The following VSTM2L variants were observed in gnomAD, a reference collection of about 807,000 sequenced individuals.
The protein encoded by VSTM2L is V-set and transmembrane domain containing 2 like, also known as V-set and transmembrane domain-containing protein 2-like protein.
In VSTM2L, 9 loss-of-function variants were observed where a neutral mutation model predicts 19.9. The observed-to-expected ratio is 0.45, with a 90% CI of 0.27 to 0.79. The LOEUF is 0.79. VSTM2L is among the 30% of genes least tolerant of loss of function. The pLI, the probability that VSTM2L is intolerant of heterozygous loss-of-function variation, is 0.15. For synonymous variants in VSTM2L, 127 were observed against 133.8 expected (o/e 0.95, Z 0.35); for missense variants, 286 against 295.5 (o/e 0.97, Z 0.24).
rs943734531 is a variant in VSTM2L at position 37,945,139 on chromosome 20, G to A, written c.*886G>A. On this transcript the variant is annotated 3_prime_UTR_variant, in exon 4 of 4. Coordinates refer to ENST00000373461, the MANE Select transcript of VSTM2L (RefSeq NM_080607.3). Reference sequence around the variant, plus strand: ...GGTACTCAGTTCCCTCACGATTCCCGATCACGGGCACACCTGCCCCCTGGT... The same window carrying A: ...GGTACTCAGTTCCCTCACGATTCCCAATCACGGGCACACCTGCCCCCTGGT... 1.5e-5 allele frequency: 15 copies of A among 985,540 alleles called. No individual in the cohort carries two copies. Among genetic ancestry groups the A allele is most frequent in the Middle Eastern group, 5.2e-4 (1 of 1,936 alleles). The allele number at this position is 985,540 out of a possible 1,614,324, so 61.0% of individuals were successfully genotyped here.
Position 37,938,813 on chromosome 20 carries a change from C to T in VSTM2L, c.343-5168C>T, listed in dbSNP as rs1254046673. 2.0e-5 allele frequency among the ~76,000 whole-genome samples: 3 copies of T among 152,298 alleles called. No homozygotes were observed. The East Asian group carries it at 5.8e-4, about 29-fold the overall frequency. ...GAGGGCTGGGCTGAAGGGCTTTCTG[C>T]ATAATGTGTGGTGGATGAAATCCAA... is the stretch of plus-strand genomic sequence containing the variant. On this transcript the variant is annotated intron_variant, in intron 3 of 3. Coordinates refer to ENST00000373461, the MANE Select transcript of VSTM2L (RefSeq NM_080607.3).
chr20:37,939,377 C>T (rs1029716632), intron 3 of VSTM2L, among the ~76,000 whole-genome samples: 1 of 151,748 alleles, frequency 6.6e-6, no homozygotes, highest in Middle Eastern at 3.4e-3. Context: ...ATGATCACGC[C>T]AGGGCACTCC....
chr20:37,929,880 G>C (rs1020041360), intron 1 of VSTM2L, among the ~76,000 whole-genome samples: 4 of 152,232 alleles, frequency 2.6e-5, no homozygotes, highest in Middle Eastern at 3.4e-3. Context: ...ACGGTGATGT[G>C]GGGGAGGGAT....
intron 3 of VSTM2L, 104 bp from the exon 4 acceptor site, chr20:37,943,877 T>C (rs1380929953): frequency 5.5e-6 from 7 of 1,268,200 alleles, no homozygotes; most frequent in Non-Finnish European, 7.4e-6. Flanking sequence ...GGAGTGTTTC[T>C]GGGGCTCCCG....
chr20:37,936,601 G>A lies in VSTM2L; in HGVS notation c.342+3012G>A, dbSNP rs138274333. Among the ~76,000 whole-genome samples, 162 of 152,320 alleles carry A rather than the reference G, an allele frequency of 1.1e-3. 2 individuals carry two copies. The highest frequency in any genetic ancestry group is 3.5e-3 in the African/African-American group (145 of 41,568). ...GGGAGGGCTTCGTGAACCTGCCTGG[G>A]TGGCCATGTTAGCCTTGTGAAGATT... is the stretch of plus-strand genomic sequence containing the variant. On this transcript the variant is annotated intron_variant, in intron 3 of 3. Transcript: ENST00000373461.
intron 3 of VSTM2L, among the ~76,000 whole-genome samples, chr20:37,934,390 G>A (rs1322013916): frequency 6.6e-6 from 1 of 152,182 alleles, no homozygotes; most frequent in Admixed American, 6.5e-5. Flanking sequence ...CATGCAACGA[G>A]GCAAGGTTTG....
At position 37,944,322 on chromosome 20, in the gene VSTM2L, C is replaced by G; in HGVS notation, c.*69C>G. On this transcript the variant is annotated 3_prime_UTR_variant, in exon 4 of 4. Transcript: ENST00000373461. ...AGTGCATGAGGAGCCGCCGGACCAC[C>G]GGGGACCGACTGCCTGCGTCCAGCC... 1 of 1,348,172 alleles carries G rather than the reference C, an allele frequency of 7.4e-7. No homozygotes were observed. Among genetic ancestry groups the G allele is most frequent in the South Asian group, 1.7e-5 (1 of 57,154 alleles). 83.5% of individuals were successfully genotyped at this position (1,348,172 alleles called of 1,614,324 possible). A position where few individuals can be genotyped will look rare whatever the true frequency, so the allele number is the denominator to read the frequency against.
intron 1 of VSTM2L, among the ~76,000 whole-genome samples, chr20:37,917,417 G>C (rs1027091473): frequency 6.6e-6 from 1 of 152,232 alleles, no homozygotes; most frequent in African/African-American, 2.4e-5. Context: ...GGACCCACCT[G>C]GGTGAATGTG....
chr20:37,933,572 G>C lies in VSTM2L; in HGVS notation c.325G>C (p.Glu109Gln). The C allele has an allele frequency of 6.2e-7, 1 of 1,613,928 alleles. No homozygotes were observed. The highest frequency in any genetic ancestry group is 8.5e-7 in the Non-Finnish European group (1 of 1,179,994). Residue 109 changes from glutamate (E) to glutamine (Q), a missense_variant, in exon 3 of 4, where the codon GAG (glutamate) becomes CAG (glutamine). Glu to Gln is a conservative substitution (Grantham distance 29). Transcript: ENST00000373461. Reference protein sequence around the residue: ...KASQQEDAGKEATKISVVKVV... With the variant: ...KASQQEDAGKQATKISVVKVV... ...ATCTCAGCAGGAAGACGCAGGGAAG[G>C]AGGCAACCAAAATAAGTGTGAGTTT...
chr20:37,943,918 C>CG (rs2072989402), intron 3 of VSTM2L, 63 bp from the exon 4 acceptor site: 2 of 871,774 alleles, frequency 2.3e-6, no homozygotes, highest in Admixed American at 4.5e-5. Flanking sequence ...ACCCCCCCCC[C>CG]CGACTCTTCT....
chr20:37,914,355 G>GGGGGGAGTTTTT (rs1600562470), intron 1 of VSTM2L, among the ~76,000 whole-genome samples: 1 of 2,992 alleles, frequency 3.3e-4, no homozygotes, highest in South Asian at 9.3e-3. Context: ...GCATGTGTGT[G>GGGGGGAGTTTTT]GGGTGTTTAT....
chr20:37,909,885 G>A (rs1297802911), intron 1 of VSTM2L, among the ~76,000 whole-genome samples: 1 of 152,202 alleles, frequency 6.6e-6, no homozygotes, highest in East Asian at 1.9e-4. Context: ...CACCCAGCTG[G>A]CTCCCCCTGG....
At chr20:37,928,220 T>C (rs2072889145) in intron 1 of VSTM2L, among the ~76,000 whole-genome samples, 1 of 151,982 alleles carries the variant, frequency 6.6e-6, no homozygotes, top group African/African-American at 2.4e-5. Flanking sequence ...GCAGGAGGGA[T>C]GTGAATCAAG....
chr20:37,931,509 T>C, intron 1 of VSTM2L, 126 bp from the exon 2 acceptor site: 1 of 1,053,868 alleles, frequency 9.5e-7, no homozygotes, highest in Non-Finnish European at 1.4e-6. Context: ...GGCTTGCAGG[T>C]CACCCCACCC....
rs1352459398 is a variant in VSTM2L, at chr20:37,903,186, G to C, written c.-165G>C. ...TCCCCGAAGCCGGGGCTGGGCCGGA[G>C]CCGGGCGAGGGCTGGGAGCTGGGCC... On this transcript the variant is annotated 5_prime_UTR_variant, in exon 1 of 4. Coordinates refer to ENST00000373461, the MANE Select transcript of VSTM2L (RefSeq NM_080607.3). 1.1e-6 allele frequency: 1 copy of C among 949,090 alleles called. No individual in the cohort carries two copies. The highest frequency in any genetic ancestry group is 1.3e-6 in the Non-Finnish European group (1 of 742,102). 58.8% of individuals were successfully genotyped at this position (949,090 alleles called of 1,614,324 possible). A position where few individuals can be genotyped will look rare whatever the true frequency, so the allele number is the denominator to read the frequency against.
At chr20:37,929,025 T>G (rs2072894056) in intron 1 of VSTM2L, among the ~76,000 whole-genome samples, 1 of 152,174 alleles carries the variant, frequency 6.6e-6, no homozygotes, top group Non-Finnish European at 1.5e-5. Flanking sequence ...CAGGACACCC[T>G]CCTCATGGCA....
At chr20:37,903,572 T>C in intron 1 of VSTM2L, 101 bp downstream of exon 1, 1 of 1,309,824 alleles carries the variant, frequency 7.6e-7, no homozygotes, top group Non-Finnish European at 9.7e-7. Flanking sequence ...GCGCCAGTCG[T>C]GGCGGGCATC....
chr20:37,908,410 C>T (rs991941783), intron 1 of VSTM2L, among the ~76,000 whole-genome samples: 3 of 152,218 alleles, frequency 2.0e-5, no homozygotes, highest in African/African-American at 7.2e-5. Context: ...TCCCAAGCCT[C>T]TCTCTTACAG....
intron 3 of VSTM2L, among the ~76,000 whole-genome samples, chr20:37,940,810 C>T (rs1268005305): frequency 6.6e-6 from 1 of 152,220 alleles, no homozygotes; most frequent in Non-Finnish European, 1.5e-5. Flanking sequence ...GCATGTCTTA[C>T]GTGTTGGCAG....
Sources: allele counts gnomAD v4.1 joint callset (sites outside exome capture counted in the v4.1 genomes callset), GRCh38; gene constraint gnomAD v4.1.1; transcripts MANE v1.5; gene names NCBI Gene and HGNC (gene_info 2026-07-23, HGNC 2026-07-21).